RIOK1: variants seen among roughly 807,000 people sequenced by gnomAD.
The protein encoded by RIOK1 is RIO kinase 1.
RIOK1 carries 66 observed loss-of-function variants against 73.5 expected under a neutral mutation model. The ratio of observed to expected loss-of-function variants is 0.90; its 90% confidence interval spans 0.74 to 1.10. RIOK1 has a LOEUF of 1.10. Ranked by LOEUF, RIOK1 falls within the 50% of genes least tolerant of loss-of-function variation. The pLI, the probability that RIOK1 is intolerant of heterozygous loss-of-function variation, is 0.00. For missense variants in RIOK1, 658 were observed against 699.8 expected (o/e 0.94, Z 0.67); for synonymous variants, 224 against 226.8 (o/e 0.99, Z 0.11).
At chr6:7,398,887 T>C in intron 5 of RIOK1, 147 bp downstream of exon 5, 1 of 630,060 alleles carries the variant, frequency 1.6e-6, no homozygotes, top group Non-Finnish European at 2.6e-6. Context: ...TAGTTTCGAG[T>C]TTAGAGACCT....
Position 7,404,474 on chromosome 6 carries a change from A to G in RIOK1, c.911A>G (p.Tyr304Cys), listed in dbSNP as rs1361063598. The G allele has an allele frequency of 6.2e-7, 1 of 1,614,162 alleles. No homozygotes were observed. Among genetic ancestry groups the G allele is most frequent in the South Asian group, 1.1e-5 (1 of 91,082 alleles). ...TCAGAATCCAAGGCTCGGGAGTTGT[A>G]CCTGCAGGTCATTCAGTACATGAGA... ...QLSESKAREL[Y>C]LQVIQYMRRM... The change falls in exon 10 of 17, where the codon TAC becomes TGC. Residue 304 changes from tyrosine to cysteine, a missense_variant. Physicochemically the swap from Tyr to Cys is radical, Grantham distance 194 (BLOSUM62 -2). Transcript: ENST00000379834.
chr6:7,404,023 G>T lies in RIOK1; in HGVS notation c.850G>T (p.Asp284Tyr). ...TGTCATGAGTTTCATCGGTAAAGAT[G>T]ACATGTAAGTACATGGAAGGGCTAA... ...VLVMSFIGKD[D>Y]MPAPLLKNVQ... is the part of the protein sequence containing the mutation. The change falls in exon 9 of 17, where the codon GAC (aspartate) becomes TAC (tyrosine). Residue 284 changes from aspartate (D) to tyrosine (Y), a missense_variant. By Grantham distance (160) the Asp-to-Tyr change is radical (BLOSUM62 -3). Coordinates refer to ENST00000379834, the MANE Select transcript of RIOK1 (RefSeq NM_031480.3). 1.9e-6 allele frequency: 3 copies of T among 1,602,848 alleles called. No homozygotes were observed. The South Asian group carries it at 3.3e-5, about 18-fold the overall frequency.
intron 6 of RIOK1, 112 bp downstream of exon 6, chr6:7,401,162 A>G: frequency 2.8e-6 from 2 of 702,108 alleles, no homozygotes; most frequent in East Asian, 2.7e-5. Context: ...ACAAAGCCAT[A>G]CACATTAATA....
At chr6:7,390,098 C>G in intron 1 of RIOK1, 25 bp downstream of exon 1, 1 of 1,548,750 alleles carries the variant, frequency 6.5e-7, no homozygotes. Context: ...AGTGCCCTGG[C>G]TCTGGGTACG....
At chr6:7,406,490 C>A (rs896960024) in intron 12 of RIOK1, among the ~76,000 whole-genome samples, 3 of 152,164 alleles carry the variant, frequency 2.0e-5, no homozygotes, top group African/African-American at 7.2e-5. Context: ...CATTAAGTAA[C>A]AACTTCCCAT....
In RIOK1 at chr6:7,414,107, G is replaced by A. The variant is rs114500855; in HGVS notation, c.1444-131G>A. 1.4e-3 allele frequency: 1,075 copies of A among 745,468 alleles called. 11 individuals are homozygous for A. In the African/African-American group the frequency reaches 0.018, roughly 12 times the overall value. The allele number at this position is 745,468 out of a possible 1,614,324, so 46.2% of individuals were successfully genotyped here. On this transcript the variant is annotated intron_variant, in intron 15 of 16. Coordinates refer to ENST00000379834, the MANE Select transcript of RIOK1 (RefSeq NM_031480.3). ...TTCATTCTGGTGTTTTGATGTTTCAGTACAGGATGTTAGTTTTTAACATAT... is the reference window on the plus strand; with the variant it reads ...TTCATTCTGGTGTTTTGATGTTTCAATACAGGATGTTAGTTTTTAACATAT...
In RIOK1 at chr6:7,414,220, T is replaced by G; in HGVS notation, c.1444-18T>G. On this transcript the variant is annotated intron_variant, in intron 15 of 16. Coordinates refer to ENST00000379834, the MANE Select transcript of RIOK1 (RefSeq NM_031480.3). Reference sequence around the variant, plus strand: ...TTGTGTGTTGTTTAGAATAACATGGTTCTTTAATAATTTCAAGGTCCCTGC... The same window carrying G: ...TTGTGTGTTGTTTAGAATAACATGGGTCTTTAATAATTTCAAGGTCCCTGC... 1 of 1,595,898 alleles carries G rather than the reference T, an allele frequency of 6.3e-7. No individual in the cohort carries two copies. Among genetic ancestry groups the G allele is most frequent in the Non-Finnish European group, 8.5e-7 (1 of 1,174,018 alleles).
At chr6:7,416,224 A>G (rs569960792) in intron 16 of RIOK1, among the ~76,000 whole-genome samples, 1 of 152,366 alleles carries the variant, frequency 6.6e-6, no homozygotes, top group Admixed American at 6.5e-5. Context: ...TCATATGTCT[A>G]CTAGAAACAC....
chr6:7,410,296 G>T, intron 12 of RIOK1, 90 bp from the exon 13 acceptor site: 1 of 873,606 alleles, frequency 1.1e-6, no homozygotes, highest in Non-Finnish European at 1.9e-6. Context: ...TACTTAAAAA[G>T]ACTGGAACAA....
rs142247752 is a variant in RIOK1 at position 7,395,140 on chromosome 6, T to A, written c.364T>A (p.Leu122Ile). The A allele has an allele frequency of 9.4e-5, 152 of 1,609,540 alleles. No individual in the cohort carries two copies. Among genetic ancestry groups the A allele is most frequent in the Non-Finnish European group, 1.2e-4 (143 of 1,177,636 alleles). ...ACGGAAATTTGAGAATAAAATTAAT[T>A]TAGGTGAGTTTACAAAATACATCAC... The part of the protein sequence containing the change: ...VLRKFENKIN[L>I]DKLNVTDSVI... The change falls in exon 3 of 17, where the codon TTA (leucine) becomes ATA (isoleucine). Residue 122 changes from leucine to isoleucine, a missense_variant. By Grantham distance (5) the Leu-to-Ile change is conservative. Coordinates refer to ENST00000379834, the MANE Select transcript of RIOK1 (RefSeq NM_031480.3).
At position 7,405,295 on chromosome 6, in the gene RIOK1, CTT is replaced by C. The variant is rs773521324; in HGVS notation, c.1145_1146del (p.Phe382Ter). On this transcript the variant is annotated frameshift_variant, in exon 12 of 17. Coordinates refer to ENST00000379834, the MANE Select transcript of RIOK1 (RefSeq NM_031480.3). LOFTEE classifies it high-confidence loss of function. ...SVAVMTVRELFEFVTDPSITH... is the reference protein window; with the variant it reads ...SVAVMTVRELXEFVTDPSITH... ...TTGCTGTCATGACTGTGCGGGAGCTCTTTGAATTTGTCACAGATCCATCCATT... is the reference window on the plus strand; with the variant it reads ...TTGCTGTCATGACTGTGCGGGAGCTCTGAATTTGTCACAGATCCATCCATT... The C allele has an allele frequency of 6.2e-7, 1 of 1,613,706 alleles. No homozygotes were observed. Among genetic ancestry groups the C allele is most frequent in the Non-Finnish European group, 8.5e-7 (1 of 1,179,720 alleles).
chr6:7,397,707 A>T (rs1581712853), intron 4 of RIOK1, among the ~76,000 whole-genome samples: 1 of 152,328 alleles, frequency 6.6e-6, no homozygotes, highest in East Asian at 1.9e-4. Flanking sequence ...CACCATAGTT[A>T]TTTGTTATTT....
chr6:7,391,347 G>A (rs1761335856), intron 1 of RIOK1, among the ~76,000 whole-genome samples: 1 of 152,114 alleles, frequency 6.6e-6, no homozygotes, highest in African/African-American at 2.4e-5. Context: ...TTCGAATTGG[G>A]TAAGTAGTAC....
chr6:7,397,866 GT>G (rs1359953311), intron 4 of RIOK1, among the ~76,000 whole-genome samples: 2 of 152,214 alleles, frequency 1.3e-5, no homozygotes, highest in Admixed American at 1.3e-4. Flanking sequence ...AAACTGCCAG[GT>G]GCAGTGGCTC....
At chr6:7,400,472 A>C (rs1386956949) in intron 5 of RIOK1, among the ~76,000 whole-genome samples, 2 of 152,182 alleles carry the variant, frequency 1.3e-5, no homozygotes, top group Non-Finnish European at 2.9e-5. Context: ...TGCAAAAGAC[A>C]CCGGAGTTTG....
rs762661976 is a variant in RIOK1 at position 7,410,426 on chromosome 6, C to CTAG, written c.1245_1247dup (p.Ser416dup). On this transcript the variant is annotated inframe_insertion, in exon 13 of 17. Transcript: ENST00000379834. ...TCTCAAAGGACCAAGGAAGAACGGT[C>CTAG]TAGCCAAGATCATGTGGATGAAGAG... is the stretch of plus-strand genomic sequence containing the variant. 3 of 1,612,254 alleles carry CTAG rather than the reference C, an allele frequency of 1.9e-6. No homozygotes were observed. The highest frequency in any genetic ancestry group is 2.5e-6 in the Non-Finnish European group (3 of 1,178,666).
At chr6:7,397,226 T>C (rs1396432346) in intron 4 of RIOK1, among the ~76,000 whole-genome samples, 1 of 152,180 alleles carries the variant, frequency 6.6e-6, no homozygotes, top group Non-Finnish European at 1.5e-5. Flanking sequence ...ATCGTGCCAC[T>C]GCACTCCAGC....
intron 1 of RIOK1, among the ~76,000 whole-genome samples, chr6:7,390,348 T>G (rs1761298147): frequency 6.6e-6 from 1 of 152,156 alleles, no homozygotes; most frequent in Non-Finnish European, 1.5e-5. Flanking sequence ...TTAGGAAACA[T>G]GGGTTTTTGC....
At chr6:7,411,003 G>A (rs1300418349) in intron 13 of RIOK1, among the ~76,000 whole-genome samples, 2 of 152,122 alleles carry the variant, frequency 1.3e-5, no homozygotes, top group Admixed American at 6.5e-5. Context: ...CTGTAATTCC[G>A]CCCCTTTCCC....
Sources: gnomAD v4.1 joint callset for allele counts (sites outside exome capture counted in the v4.1 genomes callset) on GRCh38, gnomAD v4.1.1 for gene constraint, MANE v1.5 for transcripts, NCBI Gene and HGNC (gene_info 2026-07-23, HGNC 2026-07-21) for gene names.